The following TMEM132E variants were observed in gnomAD, a reference collection of about 807,000 sequenced individuals.
TMEM132E encodes transmembrane protein 132E.
Under a neutral mutation model 78.5 loss-of-function variants are expected in TMEM132E, and 49 were observed. The observed-to-expected ratio is 0.62, with a 90% CI of 0.50 to 0.79. TMEM132E has a LOEUF of 0.79. Ranked by LOEUF, TMEM132E falls within the 30% of genes least tolerant of loss-of-function variation. TMEM132E has a pLI of 0.00. For missense variants in TMEM132E, 1,403 were observed against 1,470.9 expected, an observed-to-expected ratio of 0.95 and a Z score of 0.75; for synonymous variants, 715 against 670.6, an observed-to-expected ratio of 1.07 and a Z score of -1.02.
In TMEM132E at chr17:34,636,100, G is replaced by A; in HGVS notation, c.2071G>A (p.Val691Met). 2 of 1,595,286 alleles carry A rather than the reference G, an allele frequency of 1.3e-6. No homozygotes were observed. Among genetic ancestry groups the A allele is most frequent in the Non-Finnish European group, 1.7e-6 (2 of 1,171,984 alleles). ...VSITQLQAQV[V>M]ASLALSLRPS... ...CATCACACAGCTTCAGGCCCAGGTGGTGGCCAGCCTGGCCCTCTCCCTGCG... is the reference window on the plus strand; with the variant it reads ...CATCACACAGCTTCAGGCCCAGGTGATGGCCAGCCTGGCCCTCTCCCTGCG... The change falls in exon 8 of 9, where the codon GTG (valine) becomes ATG (methionine). Residue 691 changes from valine to methionine, a missense_variant. Transcript: ENST00000631683.
chr17:34,615,308 C>T (rs1487423535), intron 1 of TMEM132E, among the ~76,000 whole-genome samples: 1 of 152,110 alleles, frequency 6.6e-6, no homozygotes, highest in Non-Finnish European at 1.5e-5. Context: ...TTTCATTCAC[C>T]AATCTGTAGT....
intron 1 of TMEM132E, among the ~76,000 whole-genome samples, chr17:34,607,272 C>G (rs1906446670): frequency 6.6e-6 from 1 of 152,222 alleles, no homozygotes. Context: ...TCACTGTGCA[C>G]CTCCTCAAGG....
At position 34,626,641 on chromosome 17, in the gene TMEM132E, G is replaced by C. The variant is rs1907144277; in HGVS notation, c.582G>C (p.Glu194Asp). 2.1e-6 allele frequency: 3 copies of C among 1,447,662 alleles called. No homozygotes were observed. The highest frequency in any genetic ancestry group is 1.4e-5 in the African/African-American group (1 of 70,488). The allele number at this position is 1,447,662 out of a possible 1,614,324, so 89.7% of individuals were successfully genotyped here. ...GGLATCLVRA[E>D]LPLAWFGPPA... ...TGGCCACTTGTCTGGTGCGGGCAGA[G>C]CTGCCCCTGGCCTGGTTCGGGCCCC... The change falls in exon 2 of 9, where the codon GAG becomes GAC. Residue 194 changes from glutamate to aspartate, a missense_variant. Glu to Asp is a conservative substitution (Grantham distance 45, BLOSUM62 2). This residue lies in a region of TMEM132E where 511 missense variants were observed against 499.0 expected (regional missense o/e 1.02). Transcript: ENST00000631683.
At chr17:34,615,864 C>G (rs1906764777) in intron 1 of TMEM132E, among the ~76,000 whole-genome samples, 1 of 151,894 alleles carries the variant, frequency 6.6e-6, no homozygotes, top group Non-Finnish European at 1.5e-5. Context: ...CAGAGAACAG[C>G]TAACATTTAA....
At chr17:34,585,451 C>T (rs28401467) in intron 1 of TMEM132E, among the ~76,000 whole-genome samples, 14 of 152,124 alleles carry the variant, frequency 9.2e-5, no homozygotes, top group African/African-American at 1.7e-4. Context: ...TGTGTAGTAG[C>T]GGGCAGGGTC....
At chr17:34,593,834 T>C (rs558283731) in intron 1 of TMEM132E, among the ~76,000 whole-genome samples, 1 of 152,372 alleles carries the variant, frequency 6.6e-6, no homozygotes, top group South Asian at 2.1e-4. Flanking sequence ...CAGTAGCTCA[T>C]ACCACCAGCA....
At chr17:34,605,852 C>A (rs774407427) in intron 1 of TMEM132E, among the ~76,000 whole-genome samples, 1 of 152,142 alleles carries the variant, frequency 6.6e-6, no homozygotes, top group Non-Finnish European at 1.5e-5. Context: ...CTACTTGAGA[C>A]GTATTCTTCT....
intron 1 of TMEM132E, among the ~76,000 whole-genome samples, chr17:34,617,378 C>T (rs1483793771): frequency 6.6e-6 from 1 of 152,220 alleles, no homozygotes. Flanking sequence ...CATCTCTGTA[C>T]TTGTCTTATT....
chr17:34,618,385 A>T (rs913734731), intron 1 of TMEM132E, among the ~76,000 whole-genome samples: 3 of 147,936 alleles, frequency 2.0e-5, no homozygotes, highest in Admixed American at 1.3e-4. Context: ...CCACAGGTCC[A>T]CGTCTGGTGA....
intron 1 of TMEM132E, among the ~76,000 whole-genome samples, chr17:34,585,009 A>T (rs1037728333): frequency 2.0e-5 from 3 of 152,206 alleles, no homozygotes; most frequent in Admixed American, 2.0e-4. Flanking sequence ...GAGATGCAGG[A>T]GGAACACAGC....
At chr17:34,601,358 G>A (rs1006089277) in intron 1 of TMEM132E, among the ~76,000 whole-genome samples, 1 of 152,220 alleles carries the variant, frequency 6.6e-6, no homozygotes, top group Non-Finnish European at 1.5e-5. Context: ...AACTCAGAGT[G>A]AGGGGCTTGG....
chr17:34,623,134 G>A (rs1166728295), intron 1 of TMEM132E, among the ~76,000 whole-genome samples: 2 of 152,178 alleles, frequency 1.3e-5, no homozygotes, highest in Non-Finnish European at 2.9e-5. Flanking sequence ...GGATGATCCA[G>A]GATGTTGGTT....
At chr17:34,595,017 G>A (rs1253494510) in intron 1 of TMEM132E, among the ~76,000 whole-genome samples, 1 of 152,214 alleles carries the variant, frequency 6.6e-6, no homozygotes, top group Non-Finnish European at 1.5e-5. Flanking sequence ...CGATGCCAGG[G>A]TGCTGGAGGA....
chr17:34,610,340 G>A (rs1597683465), intron 1 of TMEM132E, among the ~76,000 whole-genome samples: 1 of 152,184 alleles, frequency 6.6e-6, no homozygotes, highest in Admixed American at 6.5e-5. Flanking sequence ...TCTTTACTGG[G>A]TGTCAGTTAC....
intron 1 of TMEM132E, among the ~76,000 whole-genome samples, chr17:34,616,877 T>C (rs573005163): frequency 7.2e-5 from 11 of 152,314 alleles, no homozygotes; most frequent in African/African-American, 2.6e-4. Flanking sequence ...TTAGGTGGTA[T>C]CTTTGTGCAA....
At position 34,626,421 on chromosome 17, in the gene TMEM132E, CG is replaced by C; in HGVS notation, c.364del (p.Val122Ter). ...ACCCTGGACATCCCCGAGCGCCTGACGGTGAACTGGAAGGTGCGGGCCTTCA... is the reference window on the plus strand; with the variant it reads ...ACCCTGGACATCCCCGAGCGCCTGACGTGAACTGGAAGGTGCGGGCCTTCA... ...SSTLDIPERL[T>X]VNWKVRAFIV... On this transcript the variant is annotated frameshift_variant, in exon 2 of 9. Transcript: ENST00000631683. LOFTEE classifies it high-confidence loss of function. 1 of 1,613,388 alleles carries C rather than the reference CG, an allele frequency of 6.2e-7. No homozygotes were observed. Among genetic ancestry groups the C allele is most frequent in the Non-Finnish European group, 8.5e-7 (1 of 1,179,824 alleles).
intron 1 of TMEM132E, among the ~76,000 whole-genome samples, chr17:34,604,808 T>C (rs945673610): frequency 6.6e-6 from 1 of 152,254 alleles, no homozygotes; most frequent in African/African-American, 2.4e-5. Flanking sequence ...AGCTAATGTT[T>C]ATTTCTGAGC....
intron 1 of TMEM132E, among the ~76,000 whole-genome samples, chr17:34,616,179 C>A (rs1383003542): frequency 6.6e-6 from 1 of 152,286 alleles, no homozygotes; most frequent in East Asian, 1.9e-4. Context: ...GAAACCAGAG[C>A]TGCTGGGAGT....
intron 1 of TMEM132E, among the ~76,000 whole-genome samples, chr17:34,597,113 G>A (rs1196864114): frequency 5.3e-5 from 8 of 152,138 alleles, no homozygotes; most frequent in East Asian, 1.9e-4. Flanking sequence ...AGCTCCTCAG[G>A]ACAGCAGTAT....
Sources: gnomAD v4.1 joint callset for allele counts (sites outside exome capture counted in the v4.1 genomes callset) on GRCh38, gnomAD v4.1.1 for gene constraint, gnomAD v4.1.1 regional missense constraint, MANE v1.5 for transcripts, NCBI Gene and HGNC (gene_info 2026-07-23, HGNC 2026-07-21) for gene names.